SKI: variants seen among roughly 807,000 people sequenced by gnomAD.
SKI encodes the protein SKI proto-oncogene, also known as ski oncogene.
In SKI, 23 loss-of-function variants were observed where a neutral mutation model predicts 59.3. The observed-to-expected ratio is 0.39, with a 90% CI of 0.28 to 0.55. The LOEUF (loss-of-function observed/expected upper bound fraction) is 0.55, where lower values mean the gene tolerates loss of function less well. Among genes scored for constraint, SKI ranks in the 20% least tolerant of loss-of-function variants. SKI has a pLI of 0.67. For synonymous variants in SKI, 673 were observed against 488.6 expected (o/e 1.38, Z -4.98); for missense variants, 1,017 against 1,038.9 (o/e 0.98, Z 0.29).
Position 2,269,451 on chromosome 1 carries a change from C to T in SKI, c.970-33527C>T, listed in dbSNP as rs562894650. On this transcript the variant is annotated intron_variant, in intron 1 of 6. Coordinates refer to ENST00000378536, the MANE Select transcript of SKI (RefSeq NM_003036.4). This position sits in a 1 kb window ranked among gnomAD's most constrained non-coding sequence, Gnocchi z 4.7. ...GGACACTGCGGGACACGTTCCCCAA[C>T]GTGGGATGTCCGTCCTCAGCAGTCT... Among the ~76,000 whole-genome samples the T allele has an allele frequency of 3.7e-4, 56 of 152,388 alleles. No homozygotes were observed. Among genetic ancestry groups the T allele is most frequent in the Admixed American group, 7.8e-4 (12 of 15,312 alleles).
chr1:2,234,305 C>T (rs549627546), intron 1 of SKI, among the ~76,000 whole-genome samples: 20 of 152,260 alleles, frequency 1.3e-4, no homozygotes, highest in South Asian at 6.2e-4. Context: ...GTCATTTTCC[C>T]GGCATGGTCT....
At chr1:2,235,723 C>G (rs111535039) in intron 1 of SKI, among the ~76,000 whole-genome samples, 1 of 152,174 alleles carries the variant, frequency 6.6e-6, no homozygotes, top group Non-Finnish European at 1.5e-5. Context: ...AAATGAAGAA[C>G]CAGGACTTGA....
chr1:2,259,508 G>A (rs1347287920), intron 1 of SKI, among the ~76,000 whole-genome samples: 4 of 152,210 alleles, frequency 2.6e-5, no homozygotes, highest in Non-Finnish European at 4.4e-5. Context: ...TGGAATATAA[G>A]GGTGCAGTTA....
chr1:2,289,319 G>T (rs1640111548), intron 1 of SKI, among the ~76,000 whole-genome samples: 1 of 152,142 alleles, frequency 6.6e-6, no homozygotes, highest in African/African-American at 2.4e-5. Context: ...TCCCTCTTCG[G>T]TGAGGGTGGC....
chr1:2,253,158 A>G (rs1188777071), intron 1 of SKI, among the ~76,000 whole-genome samples: 1 of 151,702 alleles, frequency 6.6e-6, no homozygotes, highest in African/African-American at 2.4e-5. Context: ...GATTCAGTTC[A>G]GTTGCTTTAG....
At chr1:2,256,419 G>T (rs1287587396) in intron 1 of SKI, among the ~76,000 whole-genome samples, 1 of 152,254 alleles carries the variant, frequency 6.6e-6, no homozygotes, top group Non-Finnish European at 1.5e-5. Context: ...ATCTCTGGCT[G>T]CTCCGTCCTT....
At position 2,303,378 on chromosome 1, in the gene SKI, C is replaced by T. The variant is rs371268096; in HGVS notation, c.1189C>T (p.Leu397Phe). Residue 397 changes from leucine (L) to phenylalanine (F), a missense_variant, in exon 3 of 7, where the codon CTC becomes TTC. Leu to Phe is a conservative substitution (Grantham distance 22). Coordinates refer to ENST00000378536, the MANE Select transcript of SKI (RefSeq NM_003036.4). The surrounding 1 kb of genome is among the most constrained non-coding windows in gnomAD (Gnocchi z 5.6). ...SASEKELSPH[L>F]PALIRDSFYS... ...GAGTGAGAAAGAGCTCTCCCCACAC[C>T]TCCCGGCCCTCATCCGAGACAGGTG... is the stretch of plus-strand genomic sequence containing the variant. The T allele has an allele frequency of 1.3e-5, 21 of 1,613,320 alleles. No individual in the cohort carries two copies. The highest frequency in any genetic ancestry group is 1.8e-5 in the Non-Finnish European group (21 of 1,179,946).
At chr1:2,271,425 A>T (rs1038260439) in intron 1 of SKI, among the ~76,000 whole-genome samples, 1 of 151,648 alleles carries the variant, frequency 6.6e-6, no homozygotes, top group Non-Finnish European at 1.5e-5. Flanking sequence ...GGCTGGTGTC[A>T]CCCCTGGGAG....
Position 2,303,116 on chromosome 1 carries a change from C to A in SKI, c.1095+13C>A. 6.2e-7 allele frequency: 1 copy of A among 1,613,108 alleles called. No individual in the cohort carries two copies. Among genetic ancestry groups the A allele is most frequent in the Non-Finnish European group, 8.5e-7 (1 of 1,179,990 alleles). On this transcript the variant is annotated intron_variant, in intron 2 of 6. Coordinates refer to ENST00000378536, the MANE Select transcript of SKI (RefSeq NM_003036.4). This position sits in a 1 kb window ranked among gnomAD's most constrained non-coding sequence, Gnocchi z 5.6. ...CTCTTCCAATAAGGTGCTGTGGGGC[C>A]TGTCGGGGTCCTTGGGGTGGTGGGT...
intron 1 of SKI, among the ~76,000 whole-genome samples, chr1:2,300,983 G>A (rs1023229880): frequency 6.6e-6 from 1 of 152,196 alleles, no homozygotes; most frequent in Non-Finnish European, 1.5e-5. Context: ...TCATGGAGGT[G>A]GCCTGAGGCA....
rs746757940 is a variant in SKI at position 2,303,434 on chromosome 1, AC to A, written c.1211+35del. 8 of 1,571,564 alleles carry A rather than the reference AC, an allele frequency of 5.1e-6. No individual in the cohort carries two copies. The African/African-American group carries it at 9.5e-5, about 19-fold the overall frequency. On this transcript the variant is annotated intron_variant, in intron 3 of 6. Coordinates refer to ENST00000378536, the MANE Select transcript of SKI (RefSeq NM_003036.4). The surrounding 1 kb of genome is among the most constrained non-coding windows in gnomAD (Gnocchi z 5.6). ...GCGCCATTCACAGGTGTTTCTGATCACGGGGGAGGCTCCACGAGGGCTGTGC... is the reference window on the plus strand; with the variant it reads ...GCGCCATTCACAGGTGTTTCTGATCAGGGGGAGGCTCCACGAGGGCTGTGC...
intron 1 of SKI, among the ~76,000 whole-genome samples, chr1:2,285,298 A>G (rs2100882496): frequency 6.6e-6 from 1 of 152,216 alleles, no homozygotes; most frequent in African/African-American, 2.4e-5. Flanking sequence ...GGATCACCTG[A>G]GGTCAGGAGT....
At position 2,228,328 on chromosome 1, in the gene SKI, G is replaced by T. The variant is rs923952928; in HGVS notation, c.-439G>T. Among the ~76,000 whole-genome samples, 1 of 141,660 alleles carries T rather than the reference G, an allele frequency of 7.1e-6. No individual in the cohort carries two copies. The allele number at this position is 141,660 out of a possible 152,430, so 92.9% of individuals were successfully genotyped here. On this transcript the variant is annotated 5_prime_UTR_variant, in exon 1 of 7. Transcript: ENST00000378536. The stretch of plus-strand genomic sequence containing the variant: ...CCGCGCCCGCGCCCCCGCTCCTCCC[G>T]GGCCCCTCGGCCTCGGCCGCCGCGG...
At chr1:2,291,717 C>T (rs1569833813) in intron 1 of SKI, among the ~76,000 whole-genome samples, 1 of 150,718 alleles carries the variant, frequency 6.6e-6, no homozygotes, top group East Asian at 2.0e-4. Context: ...GGGGGGCCCC[C>T]TGGGGCATGA....
At chr1:2,284,722 G>A (rs1298039402) in intron 1 of SKI, among the ~76,000 whole-genome samples, 1 of 152,194 alleles carries the variant, frequency 6.6e-6, no homozygotes, top group Non-Finnish European at 1.5e-5. Context: ...GGGTGGCTGG[G>A]AGGGCTCCAG....
chr1:2,245,701 C>G (rs1625873), intron 1 of SKI, among the ~76,000 whole-genome samples: 5 of 149,648 alleles, frequency 3.3e-5, no homozygotes, highest in African/African-American at 4.9e-5. Flanking sequence ...ATCTTGAATT[C>G]TTGACCTTAT....
intron 1 of SKI, among the ~76,000 whole-genome samples, chr1:2,264,148 C>T (rs895975311): frequency 6.6e-6 from 1 of 152,174 alleles, no homozygotes; most frequent in Non-Finnish European, 1.5e-5. Flanking sequence ...TTGTGTTACA[C>T]AAGTAATTTT....
chr1:2,229,764 G>T lies in SKI; in HGVS notation c.969+29G>T. 1 of 1,550,786 alleles carries T rather than the reference G, an allele frequency of 6.4e-7. No individual in the cohort carries two copies. The highest frequency in any genetic ancestry group is 8.7e-7 in the Non-Finnish European group (1 of 1,147,332). ...AGTGGCCCCAGGCCTGGGAGCTGGG[G>T]AGGATGCGCTTGGGGTGGGGGCCCC... On this transcript the variant is annotated intron_variant, in intron 1 of 6. Transcript: ENST00000378536. This position sits in a 1 kb window ranked among gnomAD's most constrained non-coding sequence, Gnocchi z 6.3.
At position 2,303,727 on chromosome 1, in the gene SKI, G is replaced by A. The variant is rs752179395; in HGVS notation, c.1212-113G>A. The A allele has an allele frequency of 1.9e-5, 27 of 1,389,546 alleles. No individual in the cohort carries two copies. The highest frequency in any genetic ancestry group is 2.4e-5 in the Non-Finnish European group (24 of 1,007,584). The allele number at this position is 1,389,546 out of a possible 1,614,324, so 86.1% of individuals were successfully genotyped here. ...AACTGTAAGCTTGACTTGAAGATTC[G>A]GAGCTGGGAAAGTCTTTCCTGTTTA... On this transcript the variant is annotated intron_variant, in intron 3 of 6. Transcript: ENST00000378536. This position sits in a 1 kb window ranked among gnomAD's most constrained non-coding sequence, Gnocchi z 5.6.
Sources: gnomAD v4.1 joint callset for allele counts (sites outside exome capture counted in the v4.1 genomes callset) on GRCh38, gnomAD v4.1.1 for gene constraint, Gnocchi (gnomAD v3.1) non-coding constraint, MANE v1.5 for transcripts, NCBI Gene and HGNC (gene_info 2026-07-23, HGNC 2026-07-21) for gene names.